MARCHF5: variants seen among roughly 807,000 people sequenced by gnomAD.
MARCHF5 encodes the protein E3 ubiquitin-protein ligase MARCHF5.
Under a neutral mutation model 36.5 loss-of-function variants are expected in MARCHF5, and 5 were observed. The observed-to-expected ratio is 0.14, with a 90% CI of 0.07 to 0.29. The LOEUF is 0.29. Among genes scored for constraint, MARCHF5 ranks in the 10% least tolerant of loss-of-function variants. The pLI is 1.00. For synonymous variants in MARCHF5, 103 were observed against 109.9 expected (o/e 0.94, Z 0.39); for missense variants, 179 against 336.3 (o/e 0.53, Z 3.66).
intron 1 of MARCHF5, among the ~76,000 whole-genome samples, chr10:92,296,075 A>G (rs761822353): frequency 6.6e-6 from 1 of 151,744 alleles, no homozygotes; most frequent in Non-Finnish European, 1.5e-5. Flanking sequence ...GGGTATCTCT[A>G]TGTTGGTCAG....
chr10:92,324,862 A>T (rs1843336112), intron 2 of MARCHF5, among the ~76,000 whole-genome samples: 1 of 151,826 alleles, frequency 6.6e-6, no homozygotes, highest in African/African-American at 2.4e-5. Context: ...ACTCTGTCTG[A>T]TTTTTTAACT....
chr10:92,349,607 T>C, intron 4 of MARCHF5, 64 bp from the exon 5 acceptor site: 2 of 1,596,440 alleles, frequency 1.3e-6, no homozygotes, highest in South Asian at 1.1e-5. Flanking sequence ...TTTTTAGCCA[T>C]GTTTGAAGGT....
At position 92,351,186 on chromosome 10, in the gene MARCHF5, T is replaced by C. The variant is rs1390209655; in HGVS notation, c.816T>C (p.Tyr272=). The change falls in exon 6 of 6, where the codon TAT becomes TAC. Residue 272 remains tyrosine (Y), a synonymous_variant. Coordinates refer to ENST00000358935, the MANE Select transcript of MARCHF5 (RefSeq NM_017824.5). ...LRQAHRKILN[Y]PEQEEA is the part of the protein sequence containing the mutation. Reference sequence around the variant, plus strand: ...AGGCACACCGCAAAATTCTGAATTATCCAGAACAAGAAGAAGCATAAAACT... The same window carrying C: ...AGGCACACCGCAAAATTCTGAATTACCCAGAACAAGAAGAAGCATAAAACT... The C allele has an allele frequency of 6.2e-7, 1 of 1,611,338 alleles. No homozygotes were observed. Among genetic ancestry groups the C allele is most frequent in the Non-Finnish European group, 8.5e-7 (1 of 1,177,916 alleles).
chr10:92,339,628 C>T lies in MARCHF5; in HGVS notation c.239-1045C>T, dbSNP rs373818822. ...GAGGTTGCAGTGAGCCATGATCGCA[C>T]CATTGCACTCCAACCTGGGCGACAG... is the stretch of plus-strand genomic sequence containing the variant. On this transcript the variant is annotated intron_variant, in intron 2 of 5. Transcript: ENST00000358935. 1.1e-4 allele frequency among the ~76,000 whole-genome samples: 17 copies of T among 152,038 alleles called. No homozygotes were observed. The East Asian group carries it at 2.9e-3, about 26-fold the overall frequency.
intron 1 of MARCHF5, among the ~76,000 whole-genome samples, chr10:92,297,796 C>A (rs1358256957): frequency 6.6e-6 from 1 of 150,544 alleles, no homozygotes; most frequent in Non-Finnish European, 1.5e-5. Flanking sequence ...GGCCTTTTTT[C>A]TTTTTTAATC....
At chr10:92,321,224 A>G (rs141069903) in intron 2 of MARCHF5, among the ~76,000 whole-genome samples, 1 of 152,216 alleles carries the variant, frequency 6.6e-6, no homozygotes, top group African/African-American at 2.4e-5. Context: ...TCATTGAGTA[A>G]CACGTGAGTG....
chr10:92,301,762 A>T (rs1213582195), intron 1 of MARCHF5, among the ~76,000 whole-genome samples: 1 of 152,170 alleles, frequency 6.6e-6, no homozygotes, highest in African/African-American at 2.4e-5. Context: ...TAGATTACAT[A>T]TAATACCTAA....
intron 1 of MARCHF5, among the ~76,000 whole-genome samples, chr10:92,295,399 ATTTATTTATTTTTTAT>A (rs1842937178): frequency 1.5e-5 from 1 of 65,014 alleles, no homozygotes; most frequent in Non-Finnish European, 3.3e-5. Context: ...TTATTTATTT[ATTTATTTATTTTTTAT>A]TTTTTTTTTT....
At chr10:92,299,111 C>T (rs1842982288) in intron 1 of MARCHF5, among the ~76,000 whole-genome samples, 1 of 152,098 alleles carries the variant, frequency 6.6e-6, no homozygotes. Context: ...TATGAGCTAC[C>T]TTGCCCGGCC....
chr10:92,300,594 T>C (rs1304039329), intron 1 of MARCHF5, among the ~76,000 whole-genome samples: 1 of 152,218 alleles, frequency 6.6e-6, no homozygotes, highest in Non-Finnish European at 1.5e-5. Flanking sequence ...GTTTAAGATA[T>C]GCCGTACATA....
intron 2 of MARCHF5, among the ~76,000 whole-genome samples, chr10:92,323,692 A>G (rs1843318818): frequency 6.6e-6 from 1 of 152,066 alleles, no homozygotes; most frequent in East Asian, 1.9e-4. Flanking sequence ...TCTTTCATTT[A>G]GTAACATGCA....
chr10:92,329,869 G>A (rs1843415875), intron 2 of MARCHF5, among the ~76,000 whole-genome samples: 1 of 152,170 alleles, frequency 6.6e-6, no homozygotes, highest in Admixed American at 6.5e-5. Context: ...TTTTGAGACA[G>A]AGATTTGCTC....
chr10:92,340,931 T>C (rs1223002743), intron 3 of MARCHF5, 128 bp downstream of exon 3: 8 of 836,442 alleles, frequency 9.6e-6, no homozygotes, highest in South Asian at 2.8e-5. Context: ...CTAAATGTTA[T>C]TTCCCCTACT....
chr10:92,295,726 G>C (rs1357652524), intron 1 of MARCHF5, among the ~76,000 whole-genome samples: 1 of 151,700 alleles, frequency 6.6e-6, no homozygotes, highest in African/African-American at 2.4e-5. Flanking sequence ...CTTCTTAATA[G>C]CTGAAGTTGA....
At chr10:92,338,563 A>T (rs879906183) in intron 2 of MARCHF5, among the ~76,000 whole-genome samples, 1 of 152,208 alleles carries the variant, frequency 6.6e-6, no homozygotes, top group Admixed American at 6.5e-5. Context: ...TGTAAGTTAG[A>T]GCTTGACAGT....
intron 5 of MARCHF5, among the ~76,000 whole-genome samples, 153 bp from the exon 6 acceptor site, chr10:92,350,938 C>T (rs1038745685): frequency 2.6e-5 from 4 of 152,122 alleles, no homozygotes; most frequent in African/African-American, 9.7e-5. Flanking sequence ...CCTATCTCAT[C>T]TCCTAGTAGA....
chr10:92,301,580 G>C, intron 1 of MARCHF5, among the ~76,000 whole-genome samples: 1 of 152,182 alleles, frequency 6.6e-6, no homozygotes, highest in East Asian at 1.9e-4. Context: ...AAGACAAAAG[G>C]CACGGCATGA....
At chr10:92,338,659 G>A (rs1204518629) in intron 2 of MARCHF5, among the ~76,000 whole-genome samples, 1 of 152,172 alleles carries the variant, frequency 6.6e-6, no homozygotes, top group African/African-American at 2.4e-5. Context: ...TGTATAGTCT[G>A]TCTTCATACA....
intron 1 of MARCHF5, among the ~76,000 whole-genome samples, chr10:92,295,432 G>T: frequency 7.2e-6 from 1 of 139,516 alleles, no homozygotes; most frequent in South Asian, 2.3e-4. Flanking sequence ...TTTTGAGACA[G>T]AGTCTCGCTC....
Sources: allele counts gnomAD v4.1 joint callset (sites outside exome capture counted in the v4.1 genomes callset), GRCh38; gene constraint gnomAD v4.1.1; transcripts MANE v1.5; gene names NCBI Gene and HGNC (gene_info 2026-07-23, HGNC 2026-07-21).